PDZD8: variants seen among roughly 807,000 people sequenced by gnomAD.
PDZD8 encodes PDZ domain containing 8.
PDZD8 carries 14 observed loss-of-function variants against 85.8 expected under a neutral mutation model. The observed-to-expected ratio is 0.16, with a 90% confidence interval of 0.11 to 0.26. The LOEUF is 0.26. Among genes scored for constraint, PDZD8 ranks in the 10% least tolerant of loss-of-function variants. The pLI, the probability that PDZD8 is intolerant of heterozygous loss-of-function variation, is 1.00. For missense variants in PDZD8, 1,197 were observed against 1,424.3 expected (o/e 0.84, Z 2.57); for synonymous variants, 592 against 568.6 (o/e 1.04, Z -0.59).
intron 3 of PDZD8, among the ~76,000 whole-genome samples, chr10:117,317,777 G>T (rs1018660826): frequency 9.2e-5 from 14 of 152,110 alleles, no homozygotes; most frequent in African/African-American, 3.4e-4. Flanking sequence ...GAAGGTTGGG[G>T]CAAGAACAGC....
intron 3 of PDZD8, 66 bp from the exon 4 acceptor site, chr10:117,290,414 G>A: frequency 7.8e-7 from 1 of 1,285,504 alleles, no homozygotes; most frequent in Middle Eastern, 2.4e-4. Context: ...GAAAAAAACA[G>A]TAACAGACTG....
At chr10:117,361,971 CTG>C (rs1845006412) in intron 1 of PDZD8, among the ~76,000 whole-genome samples, 1 of 152,122 alleles carries the variant, frequency 6.6e-6, no homozygotes, top group African/African-American at 2.4e-5. Context: ...ACTTGAGCAT[CTG>C]TGGATTTTGG....
intron 3 of PDZD8, among the ~76,000 whole-genome samples, chr10:117,302,423 T>C (rs1050671921): frequency 1.3e-5 from 2 of 152,210 alleles, no homozygotes; most frequent in Non-Finnish European, 2.9e-5. Flanking sequence ...ATGGCAAATG[T>C]CTTGTTTTTA....
At chr10:117,317,367 T>C (rs1028112887) in intron 3 of PDZD8, among the ~76,000 whole-genome samples, 4 of 152,080 alleles carry the variant, frequency 2.6e-5, no homozygotes, top group African/African-American at 9.7e-5. Context: ...CTAATAATTC[T>C]CCTCCCTAGG....
At chr10:117,339,321 G>A (rs1222821027) in intron 2 of PDZD8, among the ~76,000 whole-genome samples, 5 of 152,176 alleles carry the variant, frequency 3.3e-5, no homozygotes, top group Admixed American at 3.3e-4. Flanking sequence ...TCAAAGAAAT[G>A]TAGCCGGAGG....
At chr10:117,324,760 G>A (rs1844286693) in intron 2 of PDZD8, among the ~76,000 whole-genome samples, 1 of 152,110 alleles carries the variant, frequency 6.6e-6, no homozygotes, top group South Asian at 2.1e-4. Flanking sequence ...AATTTTTTAT[G>A]ACTTTTTATT....
intron 3 of PDZD8, among the ~76,000 whole-genome samples, chr10:117,315,596 A>AAC (rs1554853444): frequency 7.0e-6 from 1 of 143,150 alleles, no homozygotes; most frequent in South Asian, 2.2e-4. Flanking sequence ...TCAAAAAAAA[A>AAC]AAAAAAAAAA....
At chr10:117,317,754 G>C (rs1844155777) in intron 3 of PDZD8, among the ~76,000 whole-genome samples, 1 of 152,096 alleles carries the variant, frequency 6.6e-6, no homozygotes, top group Non-Finnish European at 1.5e-5. Context: ...AATTGTTTGA[G>C]ATATAACATA....
At chr10:117,341,751 C>T (rs1234301385) in intron 1 of PDZD8, among the ~76,000 whole-genome samples, 1 of 152,046 alleles carries the variant, frequency 6.6e-6, no homozygotes, top group Non-Finnish European at 1.5e-5. Flanking sequence ...ATTTTCAATC[C>T]ACAGTTGTTT....
intron 1 of PDZD8, 113 bp from the exon 2 acceptor site, chr10:117,341,215 C>A (rs571617566): frequency 8.9e-7 from 1 of 1,129,838 alleles, no homozygotes; most frequent in Non-Finnish European, 1.2e-6. Flanking sequence ...TAATACTACA[C>A]GTGCTCTACA....
chr10:117,372,036 T>G (rs1394053857), intron 1 of PDZD8, among the ~76,000 whole-genome samples: 2 of 152,234 alleles, frequency 1.3e-5, no homozygotes, highest in Non-Finnish European at 2.9e-5. Flanking sequence ...GTTCAAGTAT[T>G]GTTCAGTACT....
At chr10:117,288,555 C>A (rs968902432) in intron 4 of PDZD8, among the ~76,000 whole-genome samples, 2 of 152,162 alleles carry the variant, frequency 1.3e-5, no homozygotes, top group African/African-American at 4.8e-5. Context: ...GTTGCCCAGG[C>A]TGGAGTGCAA....
chr10:117,371,994 T>A (rs1200020325), intron 1 of PDZD8, among the ~76,000 whole-genome samples: 1 of 152,140 alleles, frequency 6.6e-6, no homozygotes, highest in Non-Finnish European at 1.5e-5. Context: ...CTAATTCAAT[T>A]CTCACTAGAC....
intron 2 of PDZD8, among the ~76,000 whole-genome samples, chr10:117,336,542 G>A (rs969368945): frequency 6.6e-6 from 1 of 151,884 alleles, no homozygotes; most frequent in African/African-American, 2.4e-5. Flanking sequence ...AAAGAATTGG[G>A]GCTCTTTGGA....
chr10:117,283,318 G>A lies in PDZD8; in HGVS notation c.3415C>T (p.Pro1139Ser). The change falls in exon 5 of 5, where the codon CCA becomes TCA. Residue 1139 changes from proline (P) to serine (S), a missense_variant. Pro to Ser is a moderately conservative substitution (Grantham distance 74). Around this residue, in one of 4 missense-constraint regions of PDZD8, gnomAD observed 418 missense variants for 571.1 expected, o/e 0.73. Coordinates refer to ENST00000334464, the MANE Select transcript of PDZD8 (RefSeq NM_173791.5). ...NEISQLIDSQ[P>S]FSSISDDLFG... ...AAGTCATCTGATATGCTGCTGAATG[G>A]CTGAGAGTCTATTAGTTGGCTTATT... 6.2e-7 allele frequency: 1 copy of A among 1,613,904 alleles called. No homozygotes were observed. Among genetic ancestry groups the A allele is most frequent in the Non-Finnish European group, 8.5e-7 (1 of 1,179,962 alleles).
At chr10:117,321,449 C>T (rs1844223775) in intron 2 of PDZD8, among the ~76,000 whole-genome samples, 1 of 151,998 alleles carries the variant, frequency 6.6e-6, no homozygotes, top group Non-Finnish European at 1.5e-5. Flanking sequence ...CAAATTTATA[C>T]AGATAGAAAG....
intron 1 of PDZD8, among the ~76,000 whole-genome samples, chr10:117,343,741 G>C (rs1020327228): frequency 1.3e-5 from 2 of 152,188 alleles, no homozygotes; most frequent in African/African-American, 4.8e-5. Context: ...TTTGCTAAGA[G>C]TGTTTATGCA....
chr10:117,361,739 A>T (rs1291211726), intron 1 of PDZD8, among the ~76,000 whole-genome samples: 1 of 152,188 alleles, frequency 6.6e-6, no homozygotes, highest in Non-Finnish European at 1.5e-5. Context: ...GCATCCTTGG[A>T]TTCAACTAAC....
At chr10:117,362,417 A>T in intron 1 of PDZD8, among the ~76,000 whole-genome samples, 1 of 152,150 alleles carries the variant, frequency 6.6e-6, no homozygotes, top group East Asian at 1.9e-4. Flanking sequence ...TTGTCCAAGG[A>T]TATACTAAAC....
Sources: allele counts gnomAD v4.1 joint callset (sites outside exome capture counted in the v4.1 genomes callset), GRCh38; gene constraint gnomAD v4.1.1; regional missense constraint gnomAD v4.1.1; transcripts MANE v1.5; gene names NCBI Gene and HGNC (gene_info 2026-07-23, HGNC 2026-07-21).